PAX5: variants seen among roughly 807,000 people sequenced by gnomAD.
PAX5 encodes the protein paired box protein Pax-5.
Under a neutral mutation model 43.7 loss-of-function variants are expected in PAX5, and 9 were observed. That is an observed-to-expected ratio of 0.21 (90% CI 0.12 to 0.36). The LOEUF (loss-of-function observed/expected upper bound fraction) is 0.36. PAX5 is among the 10% of genes least tolerant of loss of function. PAX5 has a pLI of 1.00. For synonymous variants in PAX5, 228 were observed against 214.3 expected, an observed-to-expected ratio of 1.06 and a Z score of -0.56; for missense variants, 383 against 532.7, an observed-to-expected ratio of 0.72 and a Z score of 2.77.
At chr9:36,967,221 G>A (rs892138687) in intron 5 of PAX5, among the ~76,000 whole-genome samples, 2 of 152,194 alleles carry the variant, frequency 1.3e-5, no homozygotes, top group Non-Finnish European at 2.9e-5. Flanking sequence ...CACTGTGCTA[G>A]GAAGACTGTA....
At chr9:36,936,336 G>C (rs1831549277) in intron 6 of PAX5, among the ~76,000 whole-genome samples, 1 of 152,214 alleles carries the variant, frequency 6.6e-6, no homozygotes, top group African/African-American at 2.4e-5. Flanking sequence ...GCTCTGCCTG[G>C]CTGGGTCACG....
rs565025729 is a variant in PAX5 at position 37,003,921 on chromosome 9, C to T, written c.476-1145G>A. ...CTCAAACCCTATAACTAATCTGCTT[C>T]GCACTAATAAACAATGAAGAGCAAT... On this transcript the variant is annotated intron_variant, in intron 4 of 9. Transcript: ENST00000358127. Among the ~76,000 whole-genome samples, 26 of 152,360 alleles carry T rather than the reference C, an allele frequency of 1.7e-4. No homozygotes were observed. The South Asian group carries it at 3.3e-3, about 19-fold the overall frequency.
chr9:37,031,661 A>G (rs1841000977), intron 1 of PAX5, among the ~76,000 whole-genome samples: 1 of 152,000 alleles, frequency 6.6e-6, no homozygotes, highest in Non-Finnish European at 1.5e-5. Flanking sequence ...ATGCTTTATG[A>G]TCTCGAACAA....
chr9:37,015,328 G>C lies in PAX5; in HGVS notation c.213-134C>G. ...AATACAGTAGCCACCAGCCAGATGC[G>C]GCTTTTGAACATTTGAAATATGGCT... On this transcript the variant is annotated intron_variant, in intron 2 of 9. Coordinates refer to ENST00000358127, the MANE Select transcript of PAX5 (RefSeq NM_016734.3). This position sits in a 1 kb window ranked among gnomAD's most constrained non-coding sequence, Gnocchi z 4.4. The C allele has an allele frequency of 1.4e-6, 1 of 694,430 alleles. No individual in the cohort carries two copies. Among genetic ancestry groups the C allele is most frequent in the Admixed American group, 2.6e-5 (1 of 38,536 alleles). 43.0% of individuals were successfully genotyped at this position (694,430 alleles called of 1,614,324 possible). A position where few individuals can be genotyped will look rare whatever the true frequency, so the allele number is the denominator to read the frequency against.
chr9:36,891,979 A>G (rs1827432886), intron 7 of PAX5, among the ~76,000 whole-genome samples: 1 of 152,174 alleles, frequency 6.6e-6, no homozygotes, highest in African/African-American at 2.4e-5. Context: ...CTGTGTTTCA[A>G]TTTTGGAAGC....
At chr9:37,023,135 G>A (rs1278633083) in intron 1 of PAX5, among the ~76,000 whole-genome samples, 3 of 152,158 alleles carry the variant, frequency 2.0e-5, no homozygotes, top group Admixed American at 6.5e-5. Context: ...AGACAACCAG[G>A]AGAGAGAGAG....
At chr9:36,957,459 T>G (rs2132140144) in intron 6 of PAX5, among the ~76,000 whole-genome samples, 1 of 152,272 alleles carries the variant, frequency 6.6e-6, no homozygotes, top group East Asian at 1.9e-4. Flanking sequence ...ACCTTGTCCA[T>G]TTTTGCTAGG....
At position 36,834,973 on chromosome 9, in the gene PAX5, G is replaced by GCC. The variant is rs780614501; in HGVS notation, c.*5585_*5586dup. On this transcript the variant is annotated 3_prime_UTR_variant, in exon 10 of 10. Transcript: ENST00000358127. ...CTGTTTCACCTGCTTCCCTCCCTGG[G>GCC]CCCCGATCAGCCACCGGAAGCTGAT... is the stretch of plus-strand genomic sequence containing the variant. 2 of 233,322 alleles carry GCC rather than the reference G, an allele frequency of 8.6e-6. No individual in the cohort carries two copies. Among genetic ancestry groups the GCC allele is most frequent in the South Asian group, 3.6e-4 (2 of 5,522 alleles). The allele number at this position is 233,322 out of a possible 1,614,324, so 14.5% of individuals were successfully genotyped here. A position where few individuals can be genotyped will look rare whatever the true frequency, so the allele number is the denominator to read the frequency against.
intron 6 of PAX5, among the ~76,000 whole-genome samples, chr9:36,924,776 GAA>G (rs1830488427): frequency 1.2e-4 from 4 of 34,480 alleles, no homozygotes; most frequent in Non-Finnish European, 1.8e-4. Context: ...AGGAAGGAAG[GAA>G]GGAAAAGAGA....
intron 8 of PAX5, among the ~76,000 whole-genome samples, chr9:36,869,128 G>A (rs1469535491): frequency 6.6e-6 from 1 of 152,226 alleles, no homozygotes; most frequent in African/African-American, 2.4e-5. Context: ...CCTCAGGGTT[G>A]GAGGCAGCGG....
At chr9:36,891,366 G>A (rs1292817789) in intron 7 of PAX5, among the ~76,000 whole-genome samples, 2 of 152,236 alleles carry the variant, frequency 1.3e-5, no homozygotes, top group Non-Finnish European at 1.5e-5. Flanking sequence ...TACCCAGGAC[G>A]TGGGGCGGGG....
intron 3 of PAX5, among the ~76,000 whole-genome samples, 198 bp from the exon 4 acceptor site, chr9:37,006,735 CT>C (rs1209315485): frequency 9.9e-5 from 15 of 152,184 alleles, no homozygotes; most frequent in Admixed American, 9.8e-4. Context: ...CTAGTCCCAA[CT>C]TTGCTTCTGT....
intron 9 of PAX5, among the ~76,000 whole-genome samples, chr9:36,844,285 C>T (rs1316648665): frequency 6.6e-6 from 1 of 152,182 alleles, no homozygotes; most frequent in Non-Finnish European, 1.5e-5. Context: ...TAGAGTACCA[C>T]ATCACATACT....
At chr9:36,963,368 T>C (rs1000890593) in intron 6 of PAX5, among the ~76,000 whole-genome samples, 2 of 152,096 alleles carry the variant, frequency 1.3e-5, no homozygotes, top group Admixed American at 6.5e-5. Flanking sequence ...ATGGGACCTG[T>C]CCTTCAAGCC....
At chr9:37,019,813 G>A (rs1839704865) in intron 2 of PAX5, among the ~76,000 whole-genome samples, 1 of 152,156 alleles carries the variant, frequency 6.6e-6, no homozygotes, top group Admixed American at 6.6e-5. Context: ...TTTGTTTTGG[G>A]GCTATGGTGA....
In PAX5 at chr9:37,015,665, C is replaced by T. The variant is rs1312395989; in HGVS notation, c.213-471G>A. Among the ~76,000 whole-genome samples, 6 of 151,772 alleles carry T rather than the reference C, an allele frequency of 4.0e-5. No homozygotes were observed. Among genetic ancestry groups the T allele is most frequent in the African/African-American group, 2.4e-5 (1 of 41,314 alleles). ...CGTGATCTTGGCTCACTGCAACCTC[C>T]GCCTCCTGGGTTCAAGTGATTCTCC... On this transcript the variant is annotated intron_variant, in intron 2 of 9. Transcript: ENST00000358127. This position sits in a 1 kb window ranked among gnomAD's most constrained non-coding sequence, Gnocchi z 4.4.
At chr9:36,871,591 C>A (rs1163634853) in intron 8 of PAX5, among the ~76,000 whole-genome samples, 2 of 152,198 alleles carry the variant, frequency 1.3e-5, no homozygotes, top group Non-Finnish European at 2.9e-5. Context: ...ACAGCCCAGT[C>A]GTTTTGTTTG....
intron 8 of PAX5, among the ~76,000 whole-genome samples, chr9:36,847,515 C>T (rs1324721270): frequency 6.6e-6 from 1 of 152,172 alleles, no homozygotes; most frequent in East Asian, 1.9e-4. Context: ...AAACCCAGGC[C>T]CTCTGCCTGG....
intron 7 of PAX5, among the ~76,000 whole-genome samples, chr9:36,905,412 G>A (rs919012841): frequency 2.0e-5 from 3 of 152,228 alleles, no homozygotes; most frequent in Non-Finnish European, 4.4e-5. Context: ...GTTCAGAGAG[G>A]GGAAGGGAAT....
Sources: allele counts gnomAD v4.1 joint callset (sites outside exome capture counted in the v4.1 genomes callset), GRCh38; gene constraint gnomAD v4.1.1; non-coding constraint Gnocchi (gnomAD v3.1); transcripts MANE v1.5; gene names NCBI Gene and HGNC (gene_info 2026-07-23, HGNC 2026-07-21).